The following PTPRD variants were observed in gnomAD, a reference collection of about 807,000 sequenced individuals.
The protein encoded by PTPRD is receptor-type tyrosine-protein phosphatase delta.
In PTPRD, 34 loss-of-function variants were observed where a neutral mutation model predicts 214.5. The observed-to-expected ratio is 0.16, with a 90% confidence interval of 0.12 to 0.21. PTPRD has a LOEUF of 0.21. Among genes scored for constraint, PTPRD ranks in the 10% least tolerant of loss-of-function variants. PTPRD has a pLI of 1.00. For synonymous variants in PTPRD, 1,128 were observed against 845.7 expected, an observed-to-expected ratio of 1.33 and a Z score of -5.79; for missense variants, 2,545 against 2,398.7, an observed-to-expected ratio of 1.06 and a Z score of -1.27.
chr9:9,217,671 T>G (rs1312835273), intron 9 of PTPRD, among the ~76,000 whole-genome samples: 1 of 152,096 alleles, frequency 6.6e-6, no homozygotes, highest in African/African-American at 2.4e-5. Flanking sequence ...AAGTCCAGAC[T>G]TCCTTTTTAT....
At chr9:9,712,837 A>T (rs370094407) in intron 7 of PTPRD, among the ~76,000 whole-genome samples, 6 of 152,216 alleles carry the variant, frequency 3.9e-5, no homozygotes, top group East Asian at 1.9e-4. Flanking sequence ...AAAAAGAGAA[A>T]AAACTATTTT....
chr9:10,416,077 G>C (rs939537255), intron 2 of PTPRD, among the ~76,000 whole-genome samples: 9 of 151,748 alleles, frequency 5.9e-5, no homozygotes, highest in African/African-American at 2.2e-4. Context: ...GCAGGACATG[G>C]TGGCTCATGC....
chr9:9,722,193 A>ATT (rs1468843724), intron 7 of PTPRD, among the ~76,000 whole-genome samples: 1 of 151,974 alleles, frequency 6.6e-6, no homozygotes, highest in Non-Finnish European at 1.5e-5. Context: ...ATTTTAGAAC[A>ATT]TTTTTTAAAT....
chr9:10,388,861 A>T (rs1280380048), intron 2 of PTPRD, among the ~76,000 whole-genome samples: 1 of 151,918 alleles, frequency 6.6e-6, no homozygotes, highest in Non-Finnish European at 1.5e-5. Context: ...AGAATTTAGT[A>T]AGCATTCAAT....
intron 4 of PTPRD, among the ~76,000 whole-genome samples, chr9:9,998,115 T>TAAAAAAAA (rs1158744931): frequency 1.9e-5 from 2 of 105,846 alleles, no homozygotes; most frequent in Admixed American, 1.0e-4. Context: ...TAAAGTATAA[T>TAAAAAAAA]AAAAAAAAAA....
chr9:9,477,575 T>C (rs1481262698), intron 8 of PTPRD, among the ~76,000 whole-genome samples: 1 of 152,226 alleles, frequency 6.6e-6, no homozygotes, highest in Non-Finnish European at 1.5e-5. Context: ...TGGTGTTTTT[T>C]ATCTTAATTT....
chr9:8,898,846 T>C (rs1392708094), intron 11 of PTPRD, among the ~76,000 whole-genome samples: 1 of 152,176 alleles, frequency 6.6e-6, no homozygotes, highest in East Asian at 1.9e-4. Flanking sequence ...AATAAAGTGA[T>C]AGATTTTATT....
chr9:10,173,975 A>T (rs2099229213), intron 3 of PTPRD, among the ~76,000 whole-genome samples: 1 of 152,184 alleles, frequency 6.6e-6, no homozygotes, highest in Non-Finnish European at 1.5e-5. Flanking sequence ...CCATGTGCAG[A>T]AATAAATGCC....
At chr9:9,924,196 TA>T (rs2083486267) in intron 5 of PTPRD, among the ~76,000 whole-genome samples, 1 of 152,052 alleles carries the variant, frequency 6.6e-6, no homozygotes, top group African/African-American at 2.4e-5. Flanking sequence ...GCACCTGTCC[TA>T]ATTCCTATGT....
chr9:9,383,037 G>C (rs983111933), intron 9 of PTPRD, among the ~76,000 whole-genome samples: 1 of 139,112 alleles, frequency 7.2e-6, no homozygotes, highest in Non-Finnish European at 1.6e-5. Context: ...CATTATCTTA[G>C]GTAAAATTCC....
At chr9:8,492,135 T>C (rs2097162690) in intron 27 of PTPRD, among the ~76,000 whole-genome samples, 1 of 152,210 alleles carries the variant, frequency 6.6e-6, no homozygotes, top group Non-Finnish European at 1.5e-5. Context: ...CTTCTTTTTC[T>C]TTTTTGTTTT....
At chr9:9,223,459 C>A (rs1283077250) in intron 9 of PTPRD, among the ~76,000 whole-genome samples, 2 of 151,904 alleles carry the variant, frequency 1.3e-5, no homozygotes, top group Non-Finnish European at 2.9e-5. Flanking sequence ...ATTAATCTAC[C>A]CCTTTGGAAT....
intron 7 of PTPRD, among the ~76,000 whole-genome samples, chr9:9,587,726 A>T (rs1267291737): frequency 6.6e-6 from 1 of 151,904 alleles, no homozygotes; most frequent in Admixed American, 6.6e-5. Context: ...ATGGAGCTGG[A>T]GGTCATTAAG....
intron 2 of PTPRD, among the ~76,000 whole-genome samples, chr9:10,368,895 A>T (rs572466117): frequency 9.8e-4 from 149 of 152,274 alleles, no homozygotes; most frequent in African/African-American, 3.5e-3. Flanking sequence ...CTTGAGCTTA[A>T]AAAGATGAAG....
intron 8 of PTPRD, among the ~76,000 whole-genome samples, chr9:9,551,795 C>T (rs1475823497): frequency 1.3e-5 from 2 of 151,910 alleles, no homozygotes; most frequent in African/African-American, 4.8e-5. Context: ...GGACACTGCC[C>T]CAAACCAACT....
chr9:8,648,878 T>C (rs992607480), intron 12 of PTPRD, among the ~76,000 whole-genome samples: 3 of 152,232 alleles, frequency 2.0e-5, no homozygotes, highest in Non-Finnish European at 4.4e-5. Context: ...CAGATTCATT[T>C]ACATCATCCA....
At chr9:10,402,233 A>C (rs1012303220) in intron 2 of PTPRD, among the ~76,000 whole-genome samples, 1 of 151,734 alleles carries the variant, frequency 6.6e-6, no homozygotes, top group African/African-American at 2.4e-5. Context: ...CCATGCAATA[A>C]ATAGCTACAT....
intron 5 of PTPRD, among the ~76,000 whole-genome samples, chr9:9,836,082 A>G (rs1055714571): frequency 1.3e-5 from 2 of 151,802 alleles, no homozygotes; most frequent in Non-Finnish European, 2.9e-5. Context: ...TGATGGCCTA[A>G]AGCAAAAATC....
chr9:8,859,213 T>C (rs1586769687), intron 11 of PTPRD, among the ~76,000 whole-genome samples: 1 of 152,208 alleles, frequency 6.6e-6, no homozygotes, highest in Non-Finnish European at 1.5e-5. Context: ...CTTGCTTTTA[T>C]GTTGTTGGAA....
Sources: allele counts gnomAD v4.1 joint callset (sites outside exome capture counted in the v4.1 genomes callset), GRCh38; gene constraint gnomAD v4.1.1; transcripts MANE v1.5; gene names NCBI Gene and HGNC (gene_info 2026-07-23, HGNC 2026-07-21).